MOV10: variants seen among roughly 807,000 people sequenced by gnomAD.
MOV10 encodes the protein Mov10 RNA helicase.
A neutral mutation model predicts 108.4 loss-of-function variants in MOV10; 39 were observed. That is an observed-to-expected ratio of 0.36 (90% confidence interval 0.28 to 0.47). MOV10 has a LOEUF of 0.47. Among genes scored for constraint, MOV10 ranks in the 20% least tolerant of loss-of-function variants. The probability of loss-of-function intolerance (pLI) is 1.00; values close to 1 mark genes in which losing one functional copy is unlikely to be tolerated. For synonymous variants in MOV10, 490 were observed against 523.1 expected (o/e 0.94, Z 0.86); for missense variants, 952 against 1,297.6 (o/e 0.73, Z 4.09).
intron 17 of MOV10, chr1:112,699,218 G>A (rs535067861): frequency 4.5e-5 from 10 of 220,790 alleles, no homozygotes; most frequent in Non-Finnish European, 9.0e-5. Flanking sequence ...TACAGCTATC[G>A]GGGCAGAGCC....
At chr1:112,696,876 T>C (rs747498313) in intron 14 of MOV10, 30 bp downstream of exon 14, 4 of 1,534,930 alleles carry the variant, frequency 2.6e-6, no homozygotes, top group Non-Finnish European at 2.7e-6. Context: ...TCCCCTGCCA[T>C]ATCCTATGCT....
At chr1:112,699,658 C>T in intron 17 of MOV10, 27 bp from the exon 18 acceptor site, 2 of 1,613,954 alleles carry the variant, frequency 1.2e-6, no homozygotes, top group Non-Finnish European at 1.7e-6. Flanking sequence ...CCTGGCTGGT[C>T]TCAGGCCCTG....
chr1:112,694,107 C>T lies in MOV10; in HGVS notation c.1230C>T (p.Pro410=). Reference sequence around the variant, plus strand: ...CCTCGGAGACACACCAGGAGGACCCCATCACATATAAGGGCTTTGTGCACA... The same window carrying T: ...CCTCGGAGACACACCAGGAGGACCCTATCACATATAAGGGCTTTGTGCACA... ...LLSSETHQED[P]ITYKGFVHKV... Residue 410 remains proline, a synonymous_variant, in exon 8 of 21, where the codon CCC becomes CCT. Transcript: ENST00000369645. This position sits in a 1 kb window ranked among gnomAD's most constrained non-coding sequence, Gnocchi z 4.1. 6.2e-7 allele frequency: 1 copy of T among 1,614,088 alleles called. No homozygotes were observed. Among genetic ancestry groups the T allele is most frequent in the Non-Finnish European group, 8.5e-7 (1 of 1,179,998 alleles).
At chr1:112,695,660 C>A in intron 11 of MOV10, 86 bp downstream of exon 11, 2 of 1,417,180 alleles carry the variant, frequency 1.4e-6, no homozygotes, top group Admixed American at 2.3e-5. Context: ...GCTAGGAGAC[C>A]TGGATTCTGA....
In MOV10 at chr1:112,696,832, G is replaced by C. The variant is rs764071891; in HGVS notation, c.2184G>C (p.Leu728=). 1 of 1,595,954 alleles carries C rather than the reference G, an allele frequency of 6.3e-7. No individual in the cohort carries two copies. The highest frequency in any genetic ancestry group is 8.5e-7 in the Non-Finnish European group (1 of 1,170,108). Residue 728 remains leucine, a synonymous_variant, in exon 14 of 21, where the codon CTG becomes CTC. Coordinates refer to ENST00000369645, the MANE Select transcript of MOV10 (RefSeq NM_001321324.2). The part of the protein sequence containing the change: ...DGYDPQFITK[L]LRNYRSHPTI... ...ATGACCCCCAGTTCATAACCAAGCT[G>C]CTCCGCAACTACAGGTATTCCCATG...
chr1:112,699,582 C>T, intron 17 of MOV10, 103 bp from the exon 18 acceptor site: 19 of 1,550,134 alleles, frequency 1.2e-5, no homozygotes, highest in Non-Finnish European at 1.7e-5. Context: ...TCTACAATTG[C>T]CCAGTGACCT....
At chr1:112,699,386 T>C (rs1674422084) in intron 17 of MOV10, 1 of 1,026,570 alleles carries the variant, frequency 9.7e-7, no homozygotes, top group Non-Finnish European at 1.3e-6. Context: ...ACTTAGTGAT[T>C]GTTTTCAGGA....
chr1:112,688,797 C>G, intron 2 of MOV10, 138 bp from the exon 3 acceptor site: 1 of 1,497,876 alleles, frequency 6.7e-7, no homozygotes, highest in Non-Finnish European at 8.9e-7. Flanking sequence ...GTCTCTCTGT[C>G]TCTGGGCCCC....
chr1:112,700,032 A>G (rs1674503205), intron 19 of MOV10, 50 bp downstream of exon 19: 2 of 1,602,688 alleles, frequency 1.2e-6, no homozygotes, highest in Non-Finnish European at 8.5e-7. Flanking sequence ...GCCCCTGCCT[A>G]GGGCAGGTGG....
At chr1:112,687,807 C>T (rs1010701242) in intron 2 of MOV10, among the ~76,000 whole-genome samples, 3 of 152,126 alleles carry the variant, frequency 2.0e-5, no homozygotes, top group African/African-American at 7.2e-5. Flanking sequence ...AGGTAAGTCT[C>T]GCTTTCCTCC....
intron 2 of MOV10, among the ~76,000 whole-genome samples, chr1:112,681,052 A>C (rs990517486): frequency 2.6e-5 from 4 of 151,996 alleles, no homozygotes; most frequent in Non-Finnish European, 4.4e-5. Context: ...ATAAGTTTAC[A>C]CACGTGGGAT....
chr1:112,696,311 TG>T, intron 12 of MOV10, 60 bp downstream of exon 12: 1 of 1,436,820 alleles, frequency 7.0e-7, no homozygotes, highest in Non-Finnish European at 9.8e-7. Context: ...GGTACCGGGC[TG>T]GGGAAATGGG....
At position 112,689,138 on chromosome 1, in the gene MOV10, G is replaced by GGT. The variant is rs749924866; in HGVS notation, c.341+11_341+12dup. ...CTGCTAGCCAAGATCTTTTATGACA[G>GGT]GTGTGTGTGTGTTGTATGTTGTGTG... On this transcript the variant is annotated frameshift_variant and splice_region_variant. Coordinates refer to ENST00000369645, the MANE Select transcript of MOV10 (RefSeq NM_001321324.2). LOFTEE classifies it high-confidence loss of function. 13 of 1,591,942 alleles carry GGT rather than the reference G, an allele frequency of 8.2e-6. No homozygotes were observed. Among genetic ancestry groups the GGT allele is most frequent in the African/African-American group, 2.7e-5 (2 of 74,636 alleles).
At chr1:112,685,843 T>C (rs1365509451) in intron 2 of MOV10, among the ~76,000 whole-genome samples, 2 of 152,106 alleles carry the variant, frequency 1.3e-5, no homozygotes, top group East Asian at 1.9e-4. Flanking sequence ...ATGAGAGACA[T>C]AGAGAATAAT....
Position 112,688,960 on chromosome 1 carries a change from T to A in MOV10, c.163T>A (p.Ser55Thr). ...ISFGTPAPGF[S>T]SMLYGMKIAN... ...CTTTGGGACCCCCGCCCCTGGCTTC[T>A]CCTCCATGCTGTATGGAATGAAGAT... Residue 55 changes from serine to threonine, a missense_variant, in exon 3 of 21, where the codon TCC becomes ACC. Around this residue, in one of 5 missense-constraint regions of MOV10, gnomAD observed 374 missense variants for 468.6 expected, o/e 0.80. Transcript: ENST00000369645. The A allele has an allele frequency of 6.2e-7, 1 of 1,612,418 alleles. No individual in the cohort carries two copies. The highest frequency in any genetic ancestry group is 8.5e-7 in the Non-Finnish European group (1 of 1,180,014).
chr1:112,697,987 C>G lies in MOV10; in HGVS notation c.2199-7C>G, dbSNP rs1674264725. 1 of 1,611,898 alleles carries G rather than the reference C, an allele frequency of 6.2e-7. No individual in the cohort carries two copies. On this transcript the variant is annotated splice_polypyrimidine_tract_variant and splice_region_variant and intron_variant, in intron 14 of 20. Coordinates refer to ENST00000369645, the MANE Select transcript of MOV10 (RefSeq NM_001321324.2). ...TTGGTCTTGCTTTTCCTCCTCCGGC[C>G]TCCCAGGTCTCATCCCACCATCCTG...
In MOV10 at chr1:112,689,548, G is replaced by A. The variant is rs368056345; in HGVS notation, c.475G>A (p.Gly159Arg). 8.7e-6 allele frequency: 14 copies of A among 1,614,168 alleles called. No individual in the cohort carries two copies. Among genetic ancestry groups the A allele is most frequent in the Admixed American group, 1.7e-5 (1 of 60,020 alleles). The change falls in exon 4 of 21, where the codon GGA becomes AGA. Residue 159 changes from glycine (G) to arginine (R), a missense_variant. Physicochemically the swap from Gly to Arg is moderately radical, Grantham distance 125. Transcript: ENST00000369645. ...EVLTLRLRNG[G>R]TQSVTLTHLF... is the part of the protein sequence containing the mutation. ...GCTGACCCTGAGGCTTCGGAATGGC[G>A]GAACCCAGTCTGTTACCCTCACTCA...
rs924886975 is a variant in MOV10, at chr1:112,674,671, A to G, written c.-124A>G. 4 of 418,938 alleles carry G rather than the reference A, an allele frequency of 9.5e-6. No homozygotes were observed. Among genetic ancestry groups the G allele is most frequent in the Admixed American group, 4.8e-5 (1 of 20,836 alleles). The allele number at this position is 418,938 out of a possible 1,614,324, so 26.0% of individuals were successfully genotyped here. A position where few individuals can be genotyped will look rare whatever the true frequency, so the allele number is the denominator to read the frequency against. On this transcript the variant is annotated 5_prime_UTR_variant, in exon 1 of 21. Coordinates refer to ENST00000369645, the MANE Select transcript of MOV10 (RefSeq NM_001321324.2). Reference sequence around the variant, plus strand: ...TGAGGGAGGGGTCAGACGCTTTAGGAAAGAGTTAATGCGAAGAGGGGGAGG... The same window carrying G: ...TGAGGGAGGGGTCAGACGCTTTAGGGAAGAGTTAATGCGAAGAGGGGGAGG...
intron 2 of MOV10, among the ~76,000 whole-genome samples, chr1:112,686,644 C>T (rs1339387784): frequency 6.6e-6 from 1 of 152,118 alleles, no homozygotes; most frequent in East Asian, 1.9e-4. Context: ...GCCTCTGGAC[C>T]ACAGGAATCT....
Sources: gnomAD v4.1 joint callset for allele counts (sites outside exome capture counted in the v4.1 genomes callset) on GRCh38, gnomAD v4.1.1 for gene constraint, gnomAD v4.1.1 regional missense constraint, Gnocchi (gnomAD v3.1) non-coding constraint, MANE v1.5 for transcripts, NCBI Gene and HGNC (gene_info 2026-07-23, HGNC 2026-07-21) for gene names.